Variants in SLC25A24 observed in about 807,000 individuals in gnomAD.
SLC25A24 encodes solute carrier family 25 member 24.
SLC25A24 carries 49 observed loss-of-function variants against 60.7 expected under a neutral mutation model. That is an observed-to-expected ratio of 0.81 (90% CI 0.64 to 1.02). The LOEUF (loss-of-function observed/expected upper bound fraction) is 1.02. Among genes scored for constraint, SLC25A24 ranks in the 50% least tolerant of loss-of-function variants. The pLI, the probability that SLC25A24 is intolerant of heterozygous loss-of-function variation, is 0.00. For missense variants in SLC25A24, 564 were observed against 586.3 expected (o/e 0.96, Z 0.39); for synonymous variants, 202 against 200.6 (o/e 1.01, Z -0.06).
chr1:108,183,658 G>T (rs1291053896), intron 2 of SLC25A24, among the ~76,000 whole-genome samples: 5 of 152,150 alleles, frequency 3.3e-5, no homozygotes, highest in African/African-American at 1.2e-4. Context: ...GCATGCTATG[G>T]CTTTCTTGCA....
Position 108,192,835 on chromosome 1 carries a change from C to G in SLC25A24, c.184-6881G>C, listed in dbSNP as rs1277962055. ...AACGGCTTCAGCGCAAAGGCGCGAG[C>G]GCGCAGGACCCGGGACCTGCGTGGG... On this transcript the variant is annotated intron_variant, in intron 1 of 9. Transcript: ENST00000565488. The G allele has an allele frequency of 4.3e-6, 5 of 1,153,884 alleles. 1 individual carries two copies. Among genetic ancestry groups the G allele is most frequent in the Non-Finnish European group, 5.5e-6 (5 of 912,880 alleles). The allele number at this position is 1,153,884 out of a possible 1,614,324, so 71.5% of individuals were successfully genotyped here.
At chr1:108,171,494 A>G (rs1375239374) in intron 3 of SLC25A24, among the ~76,000 whole-genome samples, 1 of 152,160 alleles carries the variant, frequency 6.6e-6, no homozygotes, top group Non-Finnish European at 1.5e-5. Context: ...ACCAAGAAAC[A>G]CTGTGTGACC....
At chr1:108,186,177 T>A (rs528169107) in intron 1 of SLC25A24, among the ~76,000 whole-genome samples, 17 of 152,334 alleles carry the variant, frequency 1.1e-4, no homozygotes, top group African/African-American at 4.1e-4. Flanking sequence ...AGAAAAATGA[T>A]GCATTGATTT....
chr1:108,142,226 AAAC>A (rs573765079), intron 8 of SLC25A24, among the ~76,000 whole-genome samples: 16 of 152,216 alleles, frequency 1.1e-4, no homozygotes, highest in Non-Finnish European at 2.4e-4. Context: ...CCTAAAAGCT[AAAC>A]ACAGAATGAC....
At chr1:108,197,032 T>C (rs1037390713) in intron 1 of SLC25A24, among the ~76,000 whole-genome samples, 2 of 152,214 alleles carry the variant, frequency 1.3e-5, no homozygotes, top group African/African-American at 4.8e-5. Flanking sequence ...TTTTCTCTAA[T>C]TTTTAACTTT....
intron 3 of SLC25A24, among the ~76,000 whole-genome samples, chr1:108,175,760 G>A (rs1647654684): frequency 6.6e-6 from 1 of 152,124 alleles, no homozygotes. Flanking sequence ...TGGAGAAACT[G>A]AAACCTTCAT....
intron 4 of SLC25A24, among the ~76,000 whole-genome samples, chr1:108,160,172 C>T (rs1389487037): frequency 6.0e-5 from 9 of 151,120 alleles, no homozygotes; most frequent in Admixed American, 1.3e-4. Flanking sequence ...GGGCGGCTGC[C>T]GGGCGGAGGG....
At chr1:108,186,707 C>T (rs925514440) in intron 1 of SLC25A24, among the ~76,000 whole-genome samples, 1 of 152,138 alleles carries the variant, frequency 6.6e-6, no homozygotes, top group Non-Finnish European at 1.5e-5. Flanking sequence ...ACCTATCTAC[C>T]TATTATGACA....
chr1:108,180,912 T>C (rs1316411612), intron 3 of SLC25A24, among the ~76,000 whole-genome samples: 3 of 152,232 alleles, frequency 2.0e-5, no homozygotes, highest in Admixed American at 1.3e-4. Flanking sequence ...TCAAAGAAAA[T>C]ATAGGAATAT....
At chr1:108,161,011 T>C (rs1405920498) in intron 4 of SLC25A24, among the ~76,000 whole-genome samples, 171 bp downstream of exon 4, 2 of 151,982 alleles carry the variant, frequency 1.3e-5, no homozygotes, top group Non-Finnish European at 2.9e-5. Flanking sequence ...TGTTTTTTTT[T>C]GTTTAATACT....
chr1:108,141,623 A>G (rs960129103), intron 8 of SLC25A24, among the ~76,000 whole-genome samples: 1 of 152,246 alleles, frequency 6.6e-6, no homozygotes. Flanking sequence ...CCAAATGTCC[A>G]TCAACAGATG....
chr1:108,180,226 G>A (rs1489292409), intron 3 of SLC25A24, among the ~76,000 whole-genome samples: 3 of 151,964 alleles, frequency 2.0e-5, no homozygotes, highest in Non-Finnish European at 4.4e-5. Context: ...ATAGCCAGGC[G>A]TGGTGGCGCG....
At chr1:108,144,352 A>C (rs1386704921) in intron 7 of SLC25A24, among the ~76,000 whole-genome samples, 1 of 152,134 alleles carries the variant, frequency 6.6e-6, no homozygotes, top group Non-Finnish European at 1.5e-5. Context: ...GTAAAGACTA[A>C]ATAGTAAAAT....
At chr1:108,161,953 C>A (rs182963689) in intron 3 of SLC25A24, among the ~76,000 whole-genome samples, 5 of 131,296 alleles carry the variant, frequency 3.8e-5, no homozygotes, top group South Asian at 5.9e-4. Context: ...CCCCTCCCCC[C>A]ACCCCACAAC....
chr1:108,161,588 G>A (rs1463202463), intron 3 of SLC25A24, among the ~76,000 whole-genome samples: 1 of 152,116 alleles, frequency 6.6e-6, no homozygotes. Flanking sequence ...AAAACTTGAA[G>A]ATAAAATATT....
chr1:108,148,130 A>C (rs1172035646), intron 7 of SLC25A24, 149 bp downstream of exon 7: 1 of 626,276 alleles, frequency 1.6e-6, no homozygotes, highest in Non-Finnish European at 2.9e-6. Context: ...AGAGGCACCC[A>C]GCTAAGCTGC....
intron 7 of SLC25A24, among the ~76,000 whole-genome samples, chr1:108,144,346 A>C (rs187010933): frequency 6.6e-6 from 1 of 152,170 alleles, no homozygotes; most frequent in Non-Finnish European, 1.5e-5. Flanking sequence ...TTTCCTGTAA[A>C]GACTAAATAG....
At chr1:108,172,252 A>T (rs1163625639) in intron 3 of SLC25A24, among the ~76,000 whole-genome samples, 1 of 152,152 alleles carries the variant, frequency 6.6e-6, no homozygotes, top group East Asian at 1.9e-4. Context: ...CTATATTTCA[A>T]CTCAGTGACT....
At position 108,199,941 on chromosome 1, in the gene SLC25A24, C is replaced by T; in HGVS notation, c.183+15G>A. The T allele has an allele frequency of 6.3e-7, 1 of 1,595,658 alleles. No homozygotes were observed. Among genetic ancestry groups the T allele is most frequent in the Non-Finnish European group, 8.5e-7 (1 of 1,171,436 alleles). On this transcript the variant is annotated intron_variant, in intron 1 of 9. Coordinates refer to ENST00000565488, the MANE Select transcript of SLC25A24 (RefSeq NM_013386.5). ...GCCCTCCCTACGCTCAGGCGGCGCC[C>T]CGGCGGCGACCCACCTCCTCGGCGT...
Sources: gnomAD v4.1 joint callset for allele counts (sites outside exome capture counted in the v4.1 genomes callset) on GRCh38, gnomAD v4.1.1 for gene constraint, MANE v1.5 for transcripts, NCBI Gene and HGNC (gene_info 2026-07-23, HGNC 2026-07-21) for gene names.